SSPN: variants seen among roughly 807,000 people sequenced by gnomAD.
SSPN encodes K-ras oncogene-associated protein.
SSPN carries 15 observed loss-of-function variants against 19.1 expected under a neutral mutation model. That is an observed-to-expected ratio of 0.78 (90% CI 0.52 to 1.21). The LOEUF (loss-of-function observed/expected upper bound fraction) is 1.21, where lower values mean the gene tolerates loss of function less well. Among genes scored for constraint, SSPN ranks in the 50% most tolerant of loss-of-function variants. The pLI, the probability that SSPN is intolerant of heterozygous loss-of-function variation, is 0.00. For synonymous variants in SSPN, 147 were observed against 140.3 expected, an observed-to-expected ratio of 1.05 and a Z score of -0.34; for missense variants, 291 against 314.0, an observed-to-expected ratio of 0.93 and a Z score of 0.55.
chr12:26,180,727 G>A (rs1944713514), intron 1 of SSPN: 1 of 152,164 alleles, frequency 6.6e-6, no homozygotes, highest in Non-Finnish European at 1.5e-5. Flanking sequence ...AGAGGAATGA[G>A]CAAGAAATCA....
In SSPN at chr12:26,213,561, CT is replaced by C. The variant is rs568905887; in HGVS notation, c.280-10729del. Among the ~76,000 whole-genome samples the C allele has an allele frequency of 2.0e-4, 31 of 151,622 alleles. No individual in the cohort carries two copies. In the East Asian group the frequency reaches 5.6e-3, roughly 28 times the overall value. On this transcript the variant is annotated intron_variant, in intron 1 of 2. Coordinates refer to ENST00000242729, the MANE Select transcript of SSPN (RefSeq NM_005086.5). The stretch of plus-strand genomic sequence containing the variant: ...TACTTCACAGTTCCCTTTTGTTGTC[CT>C]TTCTCGGGGGCATTCATAGGTTGTC...
At chr12:26,205,244 AGTT>A (rs1268397499) in intron 1 of SSPN, among the ~76,000 whole-genome samples, 1 of 152,198 alleles carries the variant, frequency 6.6e-6, no homozygotes, top group Non-Finnish European at 1.5e-5. Flanking sequence ...CATTCTACTC[AGTT>A]GTTTTTAAAG....
In SSPN at chr12:26,231,836, AAAAC is replaced by A. The variant is rs1945236882; in HGVS notation, c.*764_*767del. 1.5e-6 allele frequency: 1 copy of A among 679,156 alleles called. No individual in the cohort carries two copies. The highest frequency in any genetic ancestry group is 2.0e-5 in the African/African-American group (1 of 51,274). The allele number at this position is 679,156 out of a possible 1,614,324, so 42.1% of individuals were successfully genotyped here. On this transcript the variant is annotated 3_prime_UTR_variant, in exon 3 of 3. Transcript: ENST00000242729. The stretch of plus-strand genomic sequence containing the variant: ...ACATTATGCTTCTATTCTATCATCT[AAAAC>A]AAATCATTAAAACTAATTTCTAGCT...
At chr12:26,224,133 T>C (rs1468560163) in intron 1 of SSPN, among the ~76,000 whole-genome samples, 160 bp from the exon 2 acceptor site, 2 of 152,132 alleles carry the variant, frequency 1.3e-5, no homozygotes, top group African/African-American at 4.8e-5. Flanking sequence ...TTTAAAGTGG[T>C]TTTCCACCAG....
rs1565683773 is a variant in SSPN, at chr12:26,195,641, G to GCGGGGGC, written c.-31_-30insGGGGGCC. 8.1e-6 allele frequency: 9 copies of GCGGGGGC among 1,105,396 alleles called. No homozygotes were observed. The highest frequency in any genetic ancestry group is 3.7e-5 in the South Asian group (1 of 27,366). The allele number at this position is 1,105,396 out of a possible 1,614,324, so 68.5% of individuals were successfully genotyped here. A position where few individuals can be genotyped will look rare whatever the true frequency, so the allele number is the denominator to read the frequency against. ...CTCCAGGGCCCAGGGCGCCGCACAC[G>GCGGGGGC]CACCCACCCACCCACCCAGCCTCGC... On this transcript the variant is annotated 5_prime_UTR_variant, in exon 1 of 3. Transcript: ENST00000242729.
chr12:26,178,363 G>A (rs563149479), intron 1 of SSPN, among the ~76,000 whole-genome samples: 3 of 152,206 alleles, frequency 2.0e-5, no homozygotes, highest in Admixed American at 6.5e-5. Flanking sequence ...GTGTGTGTGT[G>A]TATGTGTGTA....
chr12:26,125,083 G>A (rs1944352391), intron 1 of SSPN: 1 of 483,238 alleles, frequency 2.1e-6, no homozygotes, highest in Admixed American at 3.3e-5. Flanking sequence ...CCCAGCTCAC[G>A]TGCGGAACGT....
chr12:26,126,153 A>C (rs1487155095), intron 1 of SSPN: 1 of 152,156 alleles, frequency 6.6e-6, no homozygotes, highest in Non-Finnish European at 1.5e-5. Context: ...GCCGGGAATC[A>C]CAGGCCAGCA....
At position 26,195,831 on chromosome 12, in the gene SSPN, G is replaced by C. The variant is rs1333024558; in HGVS notation, c.159G>C (p.Pro53=). ...EPRTCCGCRF[P]LLLALLQLAL... ...GGACCTGCTGCGGCTGCCGGTTCCC[G>C]CTGCTGCTCGCCCTGCTGCAGCTGG... Residue 53 remains proline (P), a synonymous_variant, in exon 1 of 3, where the codon CCG becomes CCC. Transcript: ENST00000242729. The C allele has an allele frequency of 1.8e-5, 28 of 1,538,192 alleles. No individual in the cohort carries two copies. The African/African-American group carries it at 2.5e-4, about 14-fold the overall frequency.
chr12:26,224,496 A>C, intron 2 of SSPN, 117 bp downstream of exon 2: 1 of 847,024 alleles, frequency 1.2e-6, no homozygotes, highest in Middle Eastern at 2.7e-4. Flanking sequence ...TTGCATTTTT[A>C]GGCAGGCCAA....
At chr12:26,203,987 C>T (rs1318514803) in intron 1 of SSPN, among the ~76,000 whole-genome samples, 1 of 152,126 alleles carries the variant, frequency 6.6e-6, no homozygotes, top group African/African-American at 2.4e-5. Flanking sequence ...CTTATTTAAC[C>T]TTAATTACCT....
At chr12:26,147,408 A>G (rs1015822068) in intron 1 of SSPN, among the ~76,000 whole-genome samples, 4 of 151,858 alleles carry the variant, frequency 2.6e-5, no homozygotes, top group African/African-American at 9.7e-5. Flanking sequence ...AGTAGCTGGG[A>G]TTGCAGGCAC....
Position 26,199,990 on chromosome 12 carries a change from T to C in SSPN, c.279+4039T>C, listed in dbSNP as rs373393371. Among the ~76,000 whole-genome samples the C allele has an allele frequency of 6.6e-5, 10 of 152,380 alleles. No individual in the cohort carries two copies. In the East Asian group the frequency reaches 1.5e-3, roughly 23 times the overall value. ...ATTCCACTTGCAGTGATTTATTTGC[T>C]TTGGCATCTCTACTCTGAAGTCAAT... On this transcript the variant is annotated intron_variant, in intron 1 of 2. Coordinates refer to ENST00000242729, the MANE Select transcript of SSPN (RefSeq NM_005086.5).
intron 1 of SSPN, chr12:26,122,282 CGCGGCG>C (rs909227356): frequency 4.9e-5 from 59 of 1,202,260 alleles, no homozygotes; most frequent in African/African-American, 9.6e-5. Context: ...GGCAGGGGAA[CGCGGCG>C]GCGGCGGCGG....
intron 1 of SSPN, chr12:26,126,635 G>A (rs3809139): frequency 0.1 from 15,344 of 152,120 alleles, 924 homozygotes; most frequent in Non-Finnish European, 0.14. Flanking sequence ...GACTCCAGGA[G>A]CAGCCCGGGC....
intron 1 of SSPN, among the ~76,000 whole-genome samples, chr12:26,185,647 C>G (rs959371764): frequency 1.3e-5 from 2 of 152,150 alleles, no homozygotes; most frequent in African/African-American, 4.8e-5. Flanking sequence ...CTGACCGAAC[C>G]AGTAGGCCCA....
chr12:26,213,796 A>T (rs1945017743), intron 1 of SSPN, among the ~76,000 whole-genome samples: 1 of 152,104 alleles, frequency 6.6e-6, no homozygotes, highest in African/African-American at 2.4e-5. Flanking sequence ...AGAAGCTATG[A>T]TGATAATTGC....
At chr12:26,223,677 A>G (rs992607540) in intron 1 of SSPN, among the ~76,000 whole-genome samples, 22 of 152,198 alleles carry the variant, frequency 1.4e-4, no homozygotes, top group Admixed American at 5.9e-4. Flanking sequence ...CTTACTTACA[A>G]TATGAGAATC....
chr12:26,194,496 C>G (rs1944808768), upstream of SSPN, among the ~76,000 whole-genome samples: 1 of 152,194 alleles, frequency 6.6e-6, no homozygotes, highest in South Asian at 2.1e-4. Flanking sequence ...AGCGATTCTC[C>G]TGCCTCAGCC....
Sources: gnomAD v4.1 joint callset for allele counts (sites outside exome capture counted in the v4.1 genomes callset) on GRCh38, gnomAD v4.1.1 for gene constraint, MANE v1.5 for transcripts, NCBI Gene and HGNC (gene_info 2026-07-23, HGNC 2026-07-21) for gene names.